The following ZNF804A variants were observed in gnomAD, a reference collection of about 807,000 sequenced individuals.
ZNF804A encodes the protein zinc finger protein 804A.
ZNF804A carries 2 observed loss-of-function variants against 16.5 expected under a neutral mutation model. That is an observed-to-expected ratio of 0.12 (90% confidence interval 0.05 to 0.38). The LOEUF is 0.38. ZNF804A is among the 10% of genes least tolerant of loss of function. The pLI is 0.99. For missense variants in ZNF804A, 1,473 were observed against 1,390.7 expected (o/e 1.06, Z -0.94); for synonymous variants, 534 against 489.6 (o/e 1.09, Z -1.20).
intron 1 of ZNF804A, among the ~76,000 whole-genome samples, chr2:184,855,140 A>G (rs1052964566): frequency 1.1e-4 from 17 of 152,068 alleles, no homozygotes; most frequent in African/African-American, 3.9e-4. Flanking sequence ...ACTACAACCA[A>G]TAAGACAGCC....
intron 1 of ZNF804A, among the ~76,000 whole-genome samples, chr2:184,696,987 T>A (rs1016880575): frequency 6.6e-6 from 1 of 151,964 alleles, no homozygotes; most frequent in Non-Finnish European, 1.5e-5. Context: ...TATTTTAGGT[T>A]ATTATTATTC....
Position 184,937,036 on chromosome 2 carries a change from G to T in ZNF804A, c.1640G>T (p.Arg547Met). The T allele has an allele frequency of 1.2e-6, 2 of 1,609,560 alleles. No homozygotes were observed. Among genetic ancestry groups the T allele is most frequent in the Admixed American group, 1.7e-5 (1 of 58,622 alleles). ...DSGKNENTGQRYKNISCKIRE... is the reference protein window; with the variant it reads ...DSGKNENTGQMYKNISCKIRE... ...GGAAAAAATGAGAACACAGGTCAGA[G>T]GTATAAAAACATTTCCTGTAAGATC... is the stretch of plus-strand genomic sequence containing the variant. Residue 547 changes from arginine to methionine, a missense_variant, in exon 4 of 4, where the codon AGG becomes ATG. By Grantham distance (91) the Arg-to-Met change is moderately conservative. Transcript: ENST00000302277.
intron 2 of ZNF804A, among the ~76,000 whole-genome samples, chr2:184,906,761 A>T (rs1453421502): frequency 6.6e-6 from 1 of 152,160 alleles, no homozygotes; most frequent in Non-Finnish European, 1.5e-5. Flanking sequence ...AAGATCTCAA[A>T]TCAGCTAAGT....
chr2:184,663,366 C>A (rs923846209), intron 1 of ZNF804A, among the ~76,000 whole-genome samples: 1 of 152,092 alleles, frequency 6.6e-6, no homozygotes, highest in South Asian at 2.1e-4. Flanking sequence ...TGCTGATATG[C>A]CATTCCCTTG....
intron 1 of ZNF804A, among the ~76,000 whole-genome samples, chr2:184,646,108 A>G (rs925636182): frequency 6.6e-6 from 1 of 152,196 alleles, no homozygotes; most frequent in African/African-American, 2.4e-5. Flanking sequence ...AACCACATAC[A>G]TACAAAGTCA....
At chr2:184,678,652 T>A (rs1298568965) in intron 1 of ZNF804A, among the ~76,000 whole-genome samples, 1 of 152,140 alleles carries the variant, frequency 6.6e-6, no homozygotes, top group Non-Finnish European at 1.5e-5. Context: ...GATTTAAGCC[T>A]ACAATTACCA....
chr2:184,674,795 T>TA (rs10708796), intron 1 of ZNF804A, among the ~76,000 whole-genome samples: 3 of 151,490 alleles, frequency 2.0e-5, no homozygotes, highest in African/African-American at 7.3e-5. Context: ...TTTCCAAGTC[T>TA]AAAAAAAGTA....
intron 1 of ZNF804A, among the ~76,000 whole-genome samples, chr2:184,656,430 C>T (rs1692075673): frequency 1.3e-5 from 2 of 152,014 alleles, no homozygotes; most frequent in South Asian, 2.1e-4. Flanking sequence ...ATTTCAAATA[C>T]CTACCATCTG....
In ZNF804A at chr2:184,703,679, G is replaced by A. The variant is rs1257046690; in HGVS notation, c.111+104609G>A. ...CACTCCAGCCTGGGCGACAGAGCAA[G>A]ACTCCGGTTCAAAAAAAAAAAAAAA... is the stretch of plus-strand genomic sequence containing the variant. On this transcript the variant is annotated intron_variant, in intron 1 of 3. Transcript: ENST00000302277. Among the ~76,000 whole-genome samples the A allele has an allele frequency of 3.2e-4, 22 of 69,000 alleles. No individual in the cohort carries two copies. The East Asian group carries it at 9.5e-3, about 30-fold the overall frequency. The allele number at this position is 69,000 out of a possible 152,430, so 45.3% of individuals were successfully genotyped here.
chr2:184,786,997 G>A (rs1257917641), intron 1 of ZNF804A, among the ~76,000 whole-genome samples: 1 of 151,608 alleles, frequency 6.6e-6, no homozygotes, highest in Non-Finnish European at 1.5e-5. Context: ...TGAGGTACTT[G>A]TGCTTGTTTG....
At chr2:184,721,017 G>T (rs1051041753) in intron 1 of ZNF804A, among the ~76,000 whole-genome samples, 2 of 152,176 alleles carry the variant, frequency 1.3e-5, no homozygotes, top group Non-Finnish European at 2.9e-5. Flanking sequence ...TTCAATAAAT[G>T]ATATTGGGAA....
At chr2:184,664,269 A>G (rs1197041258) in intron 1 of ZNF804A, among the ~76,000 whole-genome samples, 4 of 152,178 alleles carry the variant, frequency 2.6e-5, no homozygotes, top group Non-Finnish European at 5.9e-5. Flanking sequence ...GAACAAAATT[A>G]TGTGTGTCAG....
chr2:184,827,922 G>A (rs767834012), intron 1 of ZNF804A, among the ~76,000 whole-genome samples: 10 of 151,172 alleles, frequency 6.6e-5, no homozygotes, highest in Non-Finnish European at 1.3e-4. Context: ...TTGAGAGTGC[G>A]TACTTGTAAT....
intron 1 of ZNF804A, among the ~76,000 whole-genome samples, chr2:184,795,314 A>C (rs1694614894): frequency 6.6e-6 from 1 of 152,178 alleles, no homozygotes; most frequent in South Asian, 2.1e-4. Flanking sequence ...TCTGCTCCTC[A>C]TTAAGCACTA....
chr2:184,670,948 T>A (rs550805456), intron 1 of ZNF804A, among the ~76,000 whole-genome samples: 1 of 152,248 alleles, frequency 6.6e-6, no homozygotes, highest in East Asian at 1.9e-4. Context: ...TAGTTCTCAA[T>A]CTAACCAGGT....
intron 1 of ZNF804A, among the ~76,000 whole-genome samples, chr2:184,684,924 T>C (rs1692603255): frequency 6.6e-6 from 1 of 152,166 alleles, no homozygotes; most frequent in Non-Finnish European, 1.5e-5. Context: ...TTCCATGGTG[T>C]ATATAGGTCA....
chr2:184,939,056 T>C lies in ZNF804A; in HGVS notation c.*30T>C, dbSNP rs750909266. The C allele has an allele frequency of 1.9e-6, 3 of 1,602,280 alleles. No homozygotes were observed. In the Admixed American group the frequency reaches 5.1e-5, roughly 27 times the overall value. On this transcript the variant is annotated 3_prime_UTR_variant, in exon 4 of 4. Coordinates refer to ENST00000302277, the MANE Select transcript of ZNF804A (RefSeq NM_194250.2). ...CACCATAATGGGAAAAAAATACTCTTGTGAAAACTATTGCTATATGCGTTA... is the reference window on the plus strand; with the variant it reads ...CACCATAATGGGAAAAAAATACTCTCGTGAAAACTATTGCTATATGCGTTA...
At chr2:184,738,342 T>C (rs1193722119) in intron 1 of ZNF804A, among the ~76,000 whole-genome samples, 1 of 151,982 alleles carries the variant, frequency 6.6e-6, no homozygotes, top group African/African-American at 2.4e-5. Context: ...TCAGAAACAG[T>C]TGGGAAACTT....
At chr2:184,768,152 G>A (rs140691292) in intron 1 of ZNF804A, among the ~76,000 whole-genome samples, 45 of 151,966 alleles carry the variant, frequency 3.0e-4, no homozygotes, top group Admixed American at 5.3e-4. Flanking sequence ...AAGCAATACA[G>A]GAAAACAACT....
Sources: allele counts gnomAD v4.1 joint callset (sites outside exome capture counted in the v4.1 genomes callset), GRCh38; gene constraint gnomAD v4.1.1; transcripts MANE v1.5; gene names NCBI Gene and HGNC (gene_info 2026-07-23, HGNC 2026-07-21).